Variants in SNX29 observed in about 807,000 individuals in gnomAD.
The protein encoded by SNX29 is sorting nexin 29, also known as sorting nexin-29.
Under a neutral mutation model 102.1 loss-of-function variants are expected in SNX29, and 78 were observed. The ratio of observed to expected loss-of-function variants is 0.76; its 90% confidence interval spans 0.64 to 0.92. The LOEUF (loss-of-function observed/expected upper bound fraction) is 0.92. SNX29 is among the 40% of genes least tolerant of loss of function. The pLI is 0.00. For missense variants in SNX29, 1,280 were observed against 1,061.7 expected, an observed-to-expected ratio of 1.21 and a Z score of -2.86; for synonymous variants, 580 against 414.5, an observed-to-expected ratio of 1.40 and a Z score of -4.85.
chr16:12,288,481 C>A (rs1467811643), intron 15 of SNX29, among the ~76,000 whole-genome samples: 2 of 152,180 alleles, frequency 1.3e-5, no homozygotes, highest in Non-Finnish European at 2.9e-5. Context: ...AGTCCCGGAG[C>A]TGTAACTCCA....
At chr16:12,362,911 C>T (rs2082349098) in intron 16 of SNX29, among the ~76,000 whole-genome samples, 1 of 152,134 alleles carries the variant, frequency 6.6e-6, no homozygotes, top group Non-Finnish European at 1.5e-5. Flanking sequence ...GGTAGGTGTT[C>T]AGTAAATGTG....
chr16:12,306,162 A>G (rs1248640744), intron 15 of SNX29, among the ~76,000 whole-genome samples: 1 of 152,050 alleles, frequency 6.6e-6, no homozygotes, highest in Non-Finnish European at 1.5e-5. Context: ...TGAACAGACT[A>G]TTTTATTTTA....
At chr16:12,289,280 A>T (rs921336614) in intron 15 of SNX29, among the ~76,000 whole-genome samples, 1 of 152,068 alleles carries the variant, frequency 6.6e-6, no homozygotes, top group African/African-American at 2.4e-5. Flanking sequence ...CACTACTGGC[A>T]CTGTCTTCTT....
rs58157322 is a variant in SNX29, at chr16:12,512,369, AATATATATATAT to A, written c.2179-12295_2179-12284del. ...CGTCCATCATGGAAGGCCCAGGGAA[AATATATATATAT>A]ATATATATATATATATATATATATA... On this transcript the variant is annotated intron_variant, in intron 19 of 20. Transcript: ENST00000566228. Among the ~76,000 whole-genome samples, 418 of 43,872 alleles carry A rather than the reference AATATATATATAT, an allele frequency of 9.5e-3. 15 individuals carry two copies. Among genetic ancestry groups the A allele is most frequent in the African/African-American group, 0.021 (228 of 10,776 alleles). The allele number at this position is 43,872 out of a possible 152,430, so 28.8% of individuals were successfully genotyped here.
chr16:12,395,502 A>G (rs1241850905), intron 16 of SNX29, among the ~76,000 whole-genome samples: 1 of 152,208 alleles, frequency 6.6e-6, no homozygotes, highest in Non-Finnish European at 1.5e-5. Context: ...CTGTTGCTCT[A>G]GTAACGGGCT....
chr16:12,086,579 T>C (rs2052203872), intron 11 of SNX29, among the ~76,000 whole-genome samples: 1 of 151,968 alleles, frequency 6.6e-6, no homozygotes, highest in South Asian at 2.1e-4. Context: ...CCCGGCTGTG[T>C]TTTAATGCTT....
At chr16:12,488,887 C>T (rs371523044) in intron 19 of SNX29, among the ~76,000 whole-genome samples, 2 of 152,092 alleles carry the variant, frequency 1.3e-5, no homozygotes, top group African/African-American at 2.4e-5. Flanking sequence ...AGGCTGAGTT[C>T]GAGGACCCTA....
intron 8 of SNX29, among the ~76,000 whole-genome samples, chr16:12,059,098 G>A (rs904741414): frequency 2.6e-5 from 4 of 152,096 alleles, no homozygotes; most frequent in Non-Finnish European, 5.9e-5. Context: ...ATTTTGAGGC[G>A]GTGGTCCTTG....
At chr16:12,314,604 C>G (rs1419459537) in intron 15 of SNX29, among the ~76,000 whole-genome samples, 3 of 152,260 alleles carry the variant, frequency 2.0e-5, no homozygotes, top group Non-Finnish European at 4.4e-5. Flanking sequence ...AGATATACCA[C>G]TTAAGTCTTT....
intron 15 of SNX29, among the ~76,000 whole-genome samples, chr16:12,316,039 A>C (rs985275698): frequency 1.1e-4 from 16 of 152,224 alleles, no homozygotes; most frequent in Admixed American, 2.0e-4. Flanking sequence ...GCTCCGAAGA[A>C]GGCACGGGGT....
intron 1 of SNX29, 98 bp downstream of exon 1, chr16:11,976,911 C>T (rs1166700049): frequency 4.7e-6 from 6 of 1,276,912 alleles, no homozygotes; most frequent in East Asian, 3.2e-5. Context: ...GCCCCGCTCC[C>T]TCGCAGACCC....
rs115978071 is a variant in SNX29, at chr16:12,060,800, C to T, written c.1125-728C>T. 3.1e-3 allele frequency: 1,436 copies of T among 456,266 alleles called. 20 individuals carry two copies. The highest frequency in any genetic ancestry group is 0.027 in the African/African-American group (1,344 of 50,188). The allele number at this position is 456,266 out of a possible 1,614,324, so 28.3% of individuals were successfully genotyped here. ...AAACAAACCCAACCACACTGCCTGG[C>T]GTTTCGAAGATGGCACGCATTAGAG... On this transcript the variant is annotated intron_variant, in intron 8 of 20. Transcript: ENST00000566228.
intron 15 of SNX29, among the ~76,000 whole-genome samples, chr16:12,281,604 A>G (rs2079431831): frequency 6.6e-6 from 1 of 152,248 alleles, no homozygotes; most frequent in Non-Finnish European, 1.5e-5. Context: ...TAATACTAGC[A>G]GCAGCTGTCA....
chr16:12,323,283 AT>A (rs1282928203), intron 15 of SNX29, among the ~76,000 whole-genome samples: 2 of 149,964 alleles, frequency 1.3e-5, no homozygotes, highest in African/African-American at 4.9e-5. Flanking sequence ...TGGCATTTTA[AT>A]GTCGTTACTT....
At chr16:12,024,875 G>T (rs1400733384) in intron 3 of SNX29, among the ~76,000 whole-genome samples, 2 of 152,170 alleles carry the variant, frequency 1.3e-5, no homozygotes, top group South Asian at 4.1e-4. Flanking sequence ...GAGTTTTTTT[G>T]TTTTTGTTTT....
intron 3 of SNX29, among the ~76,000 whole-genome samples, chr16:12,011,196 T>G (rs1339734311): frequency 6.6e-6 from 1 of 151,656 alleles, no homozygotes; most frequent in Non-Finnish European, 1.5e-5. Flanking sequence ...GGGGTTTTTT[T>G]TTTTTTTTTT....
chr16:12,092,018 C>T (rs954187150), intron 11 of SNX29, among the ~76,000 whole-genome samples: 3 of 152,160 alleles, frequency 2.0e-5, no homozygotes, highest in Non-Finnish European at 2.9e-5. Flanking sequence ...GGAGGTGCTC[C>T]TGCAAGAGGC....
At chr16:12,308,849 T>A (rs2080436807) in intron 15 of SNX29, among the ~76,000 whole-genome samples, 1 of 151,968 alleles carries the variant, frequency 6.6e-6, no homozygotes, top group South Asian at 2.1e-4. Context: ...TGGCTGCAAG[T>A]GTGATTATGT....
intron 13 of SNX29, among the ~76,000 whole-genome samples, chr16:12,182,182 C>T (rs1044729804): frequency 2.9e-5 from 4 of 137,916 alleles, no homozygotes; most frequent in South Asian, 2.7e-4. Context: ...CCACTGTGCC[C>T]GGCCTAGTTT....
Sources: gnomAD v4.1 joint callset for allele counts (sites outside exome capture counted in the v4.1 genomes callset) on GRCh38, gnomAD v4.1.1 for gene constraint, MANE v1.5 for transcripts, NCBI Gene and HGNC (gene_info 2026-07-23, HGNC 2026-07-21) for gene names.